The following RBM47 variants were observed in gnomAD, a reference collection of about 807,000 sequenced individuals.
RBM47 encodes the protein RNA-binding protein 47.
In RBM47, 21 loss-of-function variants were observed where a neutral mutation model predicts 47.1. The ratio of observed to expected loss-of-function variants is 0.45; its 90% CI spans 0.32 to 0.64. The LOEUF (loss-of-function observed/expected upper bound fraction) is 0.64, where lower values mean the gene tolerates loss of function less well. Ranked by LOEUF, RBM47 falls within the 30% of genes least tolerant of loss-of-function variation. RBM47 has a pLI of 0.05. For synonymous variants in RBM47, 375 were observed against 361.7 expected, an observed-to-expected ratio of 1.04 and a Z score of -0.42; for missense variants, 708 against 870.9, an observed-to-expected ratio of 0.81 and a Z score of 2.35.
intron 2 of RBM47, chr4:40,543,246 T>A (rs369693673): frequency 6.6e-6 from 1 of 152,322 alleles, no homozygotes; most frequent in South Asian, 2.1e-4. Flanking sequence ...GACTCTGCTT[T>A]CACGGATAAA....
chr4:40,613,819 A>T (rs1390872907), intron 1 of RBM47, among the ~76,000 whole-genome samples: 5 of 151,450 alleles, frequency 3.3e-5, no homozygotes, highest in African/African-American at 1.2e-4. Flanking sequence ...AAAAAAAAAA[A>T]GGACAGTAGT....
At chr4:40,433,806 C>T (rs867714789) in intron 5 of RBM47, among the ~76,000 whole-genome samples, 37 of 152,128 alleles carry the variant, frequency 2.4e-4, no homozygotes, top group South Asian at 8.3e-4. Context: ...CTCATGCCCA[C>T]GCAAAGTAGT....
At chr4:40,519,659 CTTTTTTTT>C (rs35250968) in intron 2 of RBM47, among the ~76,000 whole-genome samples, 1 of 96,290 alleles carries the variant, frequency 1.0e-5, no homozygotes, top group African/African-American at 3.8e-5. Context: ...CCCTACCCTC[CTTTTTTTT>C]TTTTTTTTTT....
At chr4:40,483,048 C>A (rs1308431105) in intron 2 of RBM47, among the ~76,000 whole-genome samples, 1 of 152,174 alleles carries the variant, frequency 6.6e-6, no homozygotes, top group Admixed American at 6.5e-5. Context: ...ACTGGTTACG[C>A]TATTAATGAT....
At chr4:40,594,404 T>A (rs1353032386) in intron 1 of RBM47, among the ~76,000 whole-genome samples, 1 of 152,202 alleles carries the variant, frequency 6.6e-6, no homozygotes, top group African/African-American at 2.4e-5. Context: ...AGTCAAGGCC[T>A]TCTGGTACGA....
At chr4:40,524,732 T>G (rs1201458355) in intron 2 of RBM47, among the ~76,000 whole-genome samples, 2 of 152,196 alleles carry the variant, frequency 1.3e-5, no homozygotes, top group Non-Finnish European at 2.9e-5. Context: ...GCAATCCTCC[T>G]GCTTCAGCCT....
chr4:40,540,757 G>A (rs1274611928), intron 2 of RBM47, among the ~76,000 whole-genome samples: 25 of 147,622 alleles, frequency 1.7e-4, no homozygotes, highest in Admixed American at 1.7e-3. Flanking sequence ...CTTCAGTTGG[G>A]TTTTTTAATT....
intron 1 of RBM47, among the ~76,000 whole-genome samples, chr4:40,570,721 GATA>G (rs1731623112): frequency 1.3e-5 from 2 of 151,976 alleles, no homozygotes; most frequent in Non-Finnish European, 1.5e-5. Context: ...AAATAATCAT[GATA>G]ATGTTTTAAG....
chr4:40,526,580 TTTTTTG>T (rs999380132), intron 2 of RBM47, among the ~76,000 whole-genome samples: 10 of 151,980 alleles, frequency 6.6e-5, no homozygotes, highest in Non-Finnish European at 1.2e-4. Context: ...GGGGTTTTTG[TTTTTTG>T]TTTTTGAGAC....
chr4:40,471,466 G>A (rs753967181), intron 2 of RBM47, among the ~76,000 whole-genome samples: 2 of 152,052 alleles, frequency 1.3e-5, no homozygotes, highest in Non-Finnish European at 2.9e-5. Context: ...GGGAGGCCAA[G>A]GTAGACAGAT....
At chr4:40,582,285 G>A (rs1332952255) in intron 1 of RBM47, among the ~76,000 whole-genome samples, 4 of 152,148 alleles carry the variant, frequency 2.6e-5, no homozygotes, top group Non-Finnish European at 1.5e-5. Context: ...TGTAATCCCA[G>A]CACTTTGGGA....
chr4:40,568,290 T>A (rs898905776), intron 1 of RBM47, among the ~76,000 whole-genome samples: 1 of 151,362 alleles, frequency 6.6e-6, no homozygotes, highest in Admixed American at 6.6e-5. Flanking sequence ...TAGCTGGGCA[T>A]GGCGGCGCAG....
chr4:40,618,024 T>C (rs939365339), intron 1 of RBM47, among the ~76,000 whole-genome samples: 40 of 152,112 alleles, frequency 2.6e-4, no homozygotes, highest in African/African-American at 9.4e-4. Flanking sequence ...GCTGATTGCT[T>C]GAGCCCAGGA....
At chr4:40,629,295 T>C (rs929275377) in intron 1 of RBM47, 101 bp downstream of exon 1, 2 of 152,028 alleles carry the variant, frequency 1.3e-5, no homozygotes, top group African/African-American at 4.8e-5. Flanking sequence ...GGATAAGAGC[T>C]AAAGAGAGAA....
chr4:40,464,056 T>G (rs556241150), intron 3 of RBM47, among the ~76,000 whole-genome samples: 2 of 152,312 alleles, frequency 1.3e-5, no homozygotes, highest in South Asian at 4.1e-4. Context: ...AAGATTTACA[T>G]TCAAATCTGT....
At position 40,424,313 on chromosome 4, in the gene RBM47, T is replaced by C. The variant is rs1217546973; in HGVS notation, c.*1591A>G. 2.6e-5 allele frequency: 4 copies of C among 152,638 alleles called. No homozygotes were observed. Among genetic ancestry groups the C allele is most frequent in the Non-Finnish European group, 5.9e-5 (4 of 68,028 alleles). 9.5% of individuals were successfully genotyped at this position (152,638 alleles called of 1,614,324 possible). A position where few individuals can be genotyped will look rare whatever the true frequency, so the allele number is the denominator to read the frequency against. ...CACACCTCACTTCCTTGATTGAGCC[T>C]TTAAAAAACAATTCCAAGTTGATAT... is the stretch of plus-strand genomic sequence containing the variant. On this transcript the variant is annotated 3_prime_UTR_variant, in exon 7 of 7. Coordinates refer to ENST00000295971, the MANE Select transcript of RBM47 (RefSeq NM_001098634.2).
chr4:40,537,200 C>T (rs1162924073), intron 2 of RBM47, among the ~76,000 whole-genome samples: 1 of 151,448 alleles, frequency 6.6e-6, no homozygotes, highest in Non-Finnish European at 1.5e-5. Flanking sequence ...CAGCCTTGAC[C>T]TCATAGGCTC....
intron 1 of RBM47, among the ~76,000 whole-genome samples, chr4:40,622,648 A>AAC (rs1161156258): frequency 1.3e-5 from 2 of 152,306 alleles, no homozygotes; most frequent in Non-Finnish European, 1.5e-5. Flanking sequence ...TTAGGAGGCC[A>AAC]AGGTAGGCAG....
intron 3 of RBM47, among the ~76,000 whole-genome samples, chr4:40,442,849 T>G (rs541162053): frequency 6.6e-6 from 1 of 152,190 alleles, no homozygotes; most frequent in South Asian, 2.1e-4. Flanking sequence ...AATTTTTGTA[T>G]TTTTAGTACA....
Sources: gnomAD v4.1 joint callset for allele counts (sites outside exome capture counted in the v4.1 genomes callset) on GRCh38, gnomAD v4.1.1 for gene constraint, MANE v1.5 for transcripts, NCBI Gene and HGNC (gene_info 2026-07-23, HGNC 2026-07-21) for gene names.